Variants in TMEM178B observed in about 807,000 individuals in gnomAD.
TMEM178B encodes the protein transmembrane protein 178B.
In TMEM178B, 5 loss-of-function variants were observed where a neutral mutation model predicts 31.0. The ratio of observed to expected loss-of-function variants is 0.16; its 90% CI spans 0.08 to 0.34. The LOEUF (loss-of-function observed/expected upper bound fraction) is 0.34, where lower values mean the gene tolerates loss of function less well. TMEM178B is among the 10% of genes least tolerant of loss of function. The pLI is 1.00. For synonymous variants in TMEM178B, 164 were observed against 164.0 expected (o/e 1.00, Z 0.00); for missense variants, 275 against 400.3 (o/e 0.69, Z 2.67).
chr7:141,408,468 G>T (rs1221086880), intron 2 of TMEM178B, among the ~76,000 whole-genome samples: 1 of 152,216 alleles, frequency 6.6e-6, no homozygotes, highest in Non-Finnish European at 1.5e-5. Flanking sequence ...GTGGGCCTAA[G>T]AATTTTCATT....
intron 2 of TMEM178B, among the ~76,000 whole-genome samples, chr7:141,395,424 T>A (rs1800620728): frequency 6.6e-6 from 1 of 152,148 alleles, no homozygotes; most frequent in Non-Finnish European, 1.5e-5. Context: ...CCAAGCGACA[T>A]AGGGAGACCC....
chr7:141,380,001 C>G lies in TMEM178B; in HGVS notation c.497-57607C>G, dbSNP rs182333200. 1.6e-3 allele frequency among the ~76,000 whole-genome samples: 244 copies of G among 152,204 alleles called. 1 individual carries two copies. The highest frequency in any genetic ancestry group is 2.0e-3 in the Non-Finnish European group (135 of 68,012). The stretch of plus-strand genomic sequence containing the variant: ...TTTACATTGAATGGCTTTTTCTGTC[C>G]ATCTTTTCTTACTACTCTAGATGTA... On this transcript the variant is annotated intron_variant, in intron 2 of 3. Transcript: ENST00000565468.
At chr7:141,458,865 T>C (rs1802011829) in intron 3 of TMEM178B, among the ~76,000 whole-genome samples, 1 of 152,230 alleles carries the variant, frequency 6.6e-6, no homozygotes, top group South Asian at 2.1e-4. Context: ...TGCATGCACC[T>C]GTGCGCACGC....
intron 2 of TMEM178B, among the ~76,000 whole-genome samples, chr7:141,217,523 G>A (rs116686789): frequency 6.4e-4 from 98 of 152,286 alleles, no homozygotes; most frequent in African/African-American, 2.3e-3. Context: ...AGAGGGCACG[G>A]CAGCAGAGCC....
At chr7:141,180,311 T>C (rs1340665600) in intron 1 of TMEM178B, among the ~76,000 whole-genome samples, 1 of 151,538 alleles carries the variant, frequency 6.6e-6, no homozygotes, top group Non-Finnish European at 1.5e-5. Flanking sequence ...ATGCAAAAAA[T>C]TAGCCAGGCT....
chr7:141,115,312 A>G (rs1200807799), intron 1 of TMEM178B, among the ~76,000 whole-genome samples: 9 of 152,050 alleles, frequency 5.9e-5, no homozygotes, highest in Admixed American at 5.9e-4. Context: ...AAGTGCTGGG[A>G]TTACAGGTGT....
intron 1 of TMEM178B, among the ~76,000 whole-genome samples, chr7:141,107,380 G>T (rs191978880): frequency 1.1e-4 from 17 of 152,330 alleles, no homozygotes; most frequent in Admixed American, 9.2e-4. Flanking sequence ...AGTGGGGGAA[G>T]AGTGGATGCA....
At position 141,362,737 on chromosome 7, in the gene TMEM178B, G is replaced by A. The variant is rs1276389890; in HGVS notation, c.497-74871G>A. 2.0e-5 allele frequency among the ~76,000 whole-genome samples: 3 copies of A among 152,154 alleles called. No individual in the cohort carries two copies. In the East Asian group the frequency reaches 5.8e-4, roughly 29 times the overall value. ...GGAATCTGGACATCCATGACTAATT[G>A]GGAAAGCATCTGTGAGTTCCCCCAC... On this transcript the variant is annotated intron_variant, in intron 2 of 3. Coordinates refer to ENST00000565468, the MANE Select transcript of TMEM178B (RefSeq NM_001195278.2).
intron 1 of TMEM178B, among the ~76,000 whole-genome samples, chr7:141,137,668 G>A (rs1795697871): frequency 6.6e-6 from 1 of 152,152 alleles, no homozygotes; most frequent in South Asian, 2.1e-4. Flanking sequence ...AGCTAGAAGA[G>A]AAGATTTTGA....
rs115214335 is a variant in TMEM178B, at chr7:141,292,933, C to A, written c.496+80229C>A. ...GCTTACAAGTGTGAGCCACCGCACC[C>A]GGCCAGATCTTCTTTTTATTGAATT... is the stretch of plus-strand genomic sequence containing the variant. On this transcript the variant is annotated intron_variant, in intron 2 of 3. Coordinates refer to ENST00000565468, the MANE Select transcript of TMEM178B (RefSeq NM_001195278.2). 2.5e-3 allele frequency among the ~76,000 whole-genome samples: 377 copies of A among 152,178 alleles called. 1 individual carries two copies. The highest frequency in any genetic ancestry group is 8.5e-3 in the African/African-American group (353 of 41,538).
At chr7:141,329,726 ACT>A (rs1022131789) in intron 2 of TMEM178B, among the ~76,000 whole-genome samples, 33 of 152,106 alleles carry the variant, frequency 2.2e-4, no homozygotes, top group Non-Finnish European at 4.3e-4. Flanking sequence ...GCATCCCTTT[ACT>A]CAAGTTACAC....
rs1037991849 is a variant in TMEM178B, at chr7:141,093,925, C to T, written c.382+19233C>T. 2.6e-5 allele frequency among the ~76,000 whole-genome samples: 4 copies of T among 152,030 alleles called. No individual in the cohort carries two copies. The South Asian group carries it at 6.2e-4, about 24-fold the overall frequency. On this transcript the variant is annotated intron_variant, in intron 1 of 3. Transcript: ENST00000565468. ...TGAATGGAAGGAGAGGAATTGGAGA[C>T]GGTGAGCAAAGACAAATTTTTAAAG...
chr7:141,500,634 C>T, the TMEM178B span, among the ~76,000 whole-genome samples: 6 of 152,114 alleles, frequency 3.9e-5, no homozygotes, highest in East Asian at 1.2e-3. Context: ...TTCCTGTGGG[C>T]CATTTTTCCC....
At chr7:141,189,781 G>A (rs1796668078) in intron 1 of TMEM178B, among the ~76,000 whole-genome samples, 1 of 152,154 alleles carries the variant, frequency 6.6e-6, no homozygotes, top group East Asian at 1.9e-4. Flanking sequence ...TTAGAGAGGG[G>A]TGGCCAAAGT....
chr7:141,346,610 C>T (rs906835425), intron 2 of TMEM178B, among the ~76,000 whole-genome samples: 1 of 152,098 alleles, frequency 6.6e-6, no homozygotes, highest in African/African-American at 2.4e-5. Context: ...TGTACCCATA[C>T]ACACTCCACA....
intron 2 of TMEM178B, among the ~76,000 whole-genome samples, chr7:141,409,316 C>A (rs540640080): frequency 6.6e-6 from 1 of 152,096 alleles, no homozygotes; most frequent in African/African-American, 2.4e-5. Context: ...CTCTTGCTAA[C>A]TGCATTTTAG....
In TMEM178B at chr7:141,422,202, C is replaced by T. The variant is rs7800951; in HGVS notation, c.497-15406C>T. On this transcript the variant is annotated intron_variant, in intron 2 of 3. Coordinates refer to ENST00000565468, the MANE Select transcript of TMEM178B (RefSeq NM_001195278.2). This position sits in a 1 kb window ranked among gnomAD's most constrained non-coding sequence, Gnocchi z 4.2. ...GGTGAAAGGAGGACAGGTAAAAGGC[C>T]AAGGCTCTGACTTGCCTGGTGTTAT... Among the ~76,000 whole-genome samples the T allele has an allele frequency of 0.28, 42,046 of 152,022 alleles. 6,121 individuals are homozygous for T. The highest frequency in any genetic ancestry group is 0.44 in the South Asian group (2,135 of 4,804).
chr7:141,185,178 C>T (rs774940104), intron 1 of TMEM178B, among the ~76,000 whole-genome samples: 10 of 152,264 alleles, frequency 6.6e-5, no homozygotes, highest in South Asian at 2.1e-4. Flanking sequence ...CCCCAGTGGG[C>T]GTGTGTTACA....
At chr7:141,420,312 G>A (rs1801180946) in intron 2 of TMEM178B, among the ~76,000 whole-genome samples, 1 of 152,114 alleles carries the variant, frequency 6.6e-6, no homozygotes, top group Admixed American at 6.5e-5. Flanking sequence ...CTTGCACACA[G>A]CAGCTGCTTG....
Sources: allele counts gnomAD v4.1 joint callset (sites outside exome capture counted in the v4.1 genomes callset), GRCh38; gene constraint gnomAD v4.1.1; non-coding constraint Gnocchi (gnomAD v3.1); transcripts MANE v1.5; gene names NCBI Gene and HGNC (gene_info 2026-07-23, HGNC 2026-07-21).